The following SMYD3 variants were observed in gnomAD, a reference collection of about 807,000 sequenced individuals.
The protein encoded by SMYD3 is histone-lysine N-methyltransferase SMYD3.
A neutral mutation model predicts 57.7 loss-of-function variants in SMYD3; 36 were observed. The observed-to-expected ratio is 0.62, with a 90% confidence interval of 0.48 to 0.82. The LOEUF is 0.82. Among genes scored for constraint, SMYD3 ranks in the 40% least tolerant of loss-of-function variants. The pLI is 0.00. For missense variants in SMYD3, 515 were observed against 538.8 expected, an observed-to-expected ratio of 0.96 and a Z score of 0.44; for synonymous variants, 211 against 195.0, an observed-to-expected ratio of 1.08 and a Z score of -0.68.
chr1:245,769,269 A>C (rs2046241743), intron 10 of SMYD3, among the ~76,000 whole-genome samples: 1 of 152,230 alleles, frequency 6.6e-6, no homozygotes, highest in South Asian at 2.1e-4. Flanking sequence ...CCACCGAAGG[A>C]GGACAACTAG....
chr1:246,338,047 T>G (rs1258346717), intron 2 of SMYD3, among the ~76,000 whole-genome samples: 1 of 152,230 alleles, frequency 6.6e-6, no homozygotes, highest in South Asian at 2.1e-4. Context: ...GAAAACATAC[T>G]TATTTTCTCA....
chr1:246,041,739 AG>A (rs1340419889), intron 5 of SMYD3, among the ~76,000 whole-genome samples: 2 of 152,024 alleles, frequency 1.3e-5, no homozygotes, highest in Non-Finnish European at 2.9e-5. Flanking sequence ...AGAGAATTGG[AG>A]GGGGTATAAC....
chr1:246,171,235 C>A (rs2062326586), intron 5 of SMYD3, among the ~76,000 whole-genome samples: 1 of 152,098 alleles, frequency 6.6e-6, no homozygotes, highest in Admixed American at 6.6e-5. Context: ...AGGTATATTT[C>A]TTTTATAAAA....
chr1:246,489,145 G>GATC (rs2068231893), intron 1 of SMYD3, among the ~76,000 whole-genome samples: 1 of 152,116 alleles, frequency 6.6e-6, no homozygotes, highest in Non-Finnish European at 1.5e-5. Context: ...AAGAGATTGA[G>GATC]ATCATCCTGG....
intron 2 of SMYD3, among the ~76,000 whole-genome samples, chr1:246,347,611 T>C (rs1207777006): frequency 6.6e-6 from 1 of 152,200 alleles, no homozygotes; most frequent in Non-Finnish European, 1.5e-5. Context: ...ATATCAGTGT[T>C]AAGAGGTGGG....
intron 10 of SMYD3, among the ~76,000 whole-genome samples, chr1:245,776,235 G>C (rs1316810726): frequency 2.0e-5 from 3 of 152,106 alleles, no homozygotes; most frequent in African/African-American, 7.2e-5. Context: ...TAATGTAACT[G>C]ATTTAATGTT....
intron 1 of SMYD3, 76 bp downstream of exon 1, chr1:246,506,978 G>GCCCCCCCCCC: frequency 1.5e-5 from 18 of 1,174,496 alleles, no homozygotes; most frequent in Admixed American, 3.6e-5. Context: ...CGCGGCTGCC[G>GCCCCCCCCCC]GCCGCCCGAC....
intron 1 of SMYD3, among the ~76,000 whole-genome samples, chr1:246,379,253 G>A (rs1352351773): frequency 6.7e-6 from 1 of 149,914 alleles, no homozygotes; most frequent in Non-Finnish European, 1.5e-5. Flanking sequence ...TTACATGGGT[G>A]TAATAAGAAT....
Position 246,020,464 on chromosome 1 carries a change from C to T in SMYD3, c.532-90527G>A, listed in dbSNP as rs541990612. Among the ~76,000 whole-genome samples, 14 of 152,282 alleles carry T rather than the reference C, an allele frequency of 9.2e-5. No homozygotes were observed. The East Asian group carries it at 2.5e-3, about 27-fold the overall frequency. On this transcript the variant is annotated intron_variant, in intron 5 of 11. Coordinates refer to ENST00000490107, the MANE Select transcript of SMYD3 (RefSeq NM_001167740.2). ...TAAATTCTGTTTCCTTTCCAACAAA[C>T]ACTAAACCTAACTTGGTATTCGAAA...
At chr1:246,162,087 CTT>C (rs2062131661) in intron 5 of SMYD3, among the ~76,000 whole-genome samples, 1 of 152,138 alleles carries the variant, frequency 6.6e-6, no homozygotes, top group Non-Finnish European at 1.5e-5. Context: ...ACAGTAGTTT[CTT>C]GGTGAATCTA....
intron 5 of SMYD3, among the ~76,000 whole-genome samples, chr1:246,236,207 C>A (rs10924586): frequency 0.085 from 12,845 of 151,996 alleles, 726 homozygotes; most frequent in East Asian, 0.21. Context: ...AATAAGTATA[C>A]ATTTAATTAT....
intron 2 of SMYD3, among the ~76,000 whole-genome samples, chr1:246,353,522 G>T (rs1183362252): frequency 6.6e-6 from 1 of 152,064 alleles, no homozygotes; most frequent in Non-Finnish European, 1.5e-5. Flanking sequence ...AAGCAAGACT[G>T]TCCCCAAATA....
chr1:245,820,478 A>C (rs1482258637), intron 10 of SMYD3, among the ~76,000 whole-genome samples: 43 of 147,466 alleles, frequency 2.9e-4, no homozygotes, highest in African/African-American at 1.0e-3. Context: ...CCCTTTGAAA[A>C]CTGGCACAAG....
At chr1:246,030,512 T>C (rs1438165589) in intron 5 of SMYD3, among the ~76,000 whole-genome samples, 5 of 152,212 alleles carry the variant, frequency 3.3e-5, no homozygotes, top group African/African-American at 1.2e-4. Flanking sequence ...GTACGCTGAA[T>C]ATGCTCAACT....
At chr1:246,470,330 A>G (rs2067940935) in intron 1 of SMYD3, among the ~76,000 whole-genome samples, 1 of 151,756 alleles carries the variant, frequency 6.6e-6, no homozygotes, top group Admixed American at 6.6e-5. Flanking sequence ...TGTCTCTGCT[A>G]AAAATACAAA....
intron 8 of SMYD3, among the ~76,000 whole-genome samples, chr1:245,884,081 C>A (rs895642911): frequency 2.6e-5 from 4 of 152,072 alleles, no homozygotes; most frequent in African/African-American, 9.7e-5. Context: ...AGAGATCAGA[C>A]AGATGAAAAA....
At chr1:246,057,620 T>C (rs945482248) in intron 5 of SMYD3, among the ~76,000 whole-genome samples, 2 of 152,152 alleles carry the variant, frequency 1.3e-5, no homozygotes, top group Non-Finnish European at 2.9e-5. Context: ...GGCAAGGATG[T>C]GGAATAACAG....
chr1:245,824,636 A>G (rs2049367669), intron 10 of SMYD3, among the ~76,000 whole-genome samples: 1 of 152,152 alleles, frequency 6.6e-6, no homozygotes. Flanking sequence ...CAGGCGGATC[A>G]CCTGAGGTTG....
chr1:246,123,843 A>G (rs1333649952), intron 5 of SMYD3, among the ~76,000 whole-genome samples: 1 of 152,070 alleles, frequency 6.6e-6, no homozygotes, highest in Non-Finnish European at 1.5e-5. Context: ...ACAATTTTAC[A>G]TAGGAACCGT....
Sources: allele counts gnomAD v4.1 joint callset (sites outside exome capture counted in the v4.1 genomes callset), GRCh38; gene constraint gnomAD v4.1.1; transcripts MANE v1.5; gene names NCBI Gene and HGNC (gene_info 2026-07-23, HGNC 2026-07-21).